The following RYR2 variants were observed in gnomAD, a reference collection of about 807,000 sequenced individuals.
RYR2 encodes the protein cardiac muscle ryanodine receptor-calcium release channel.
RYR2 carries 227 observed loss-of-function variants against 601.1 expected under a neutral mutation model. That is an observed-to-expected ratio of 0.38 (90% CI 0.34 to 0.42). RYR2 has a LOEUF of 0.42. Among genes scored for constraint, RYR2 ranks in the 10% least tolerant of loss-of-function variants. The pLI is 1.00. For missense variants in RYR2, 4,646 were observed against 6,156.5 expected, an observed-to-expected ratio of 0.75 and a Z score of 8.21; for synonymous variants, 2,223 against 2,175.1, an observed-to-expected ratio of 1.02 and a Z score of -0.61.
At chr1:237,159,941 TATTA>T (rs892789552) in intron 1 of RYR2, among the ~76,000 whole-genome samples, 2 of 152,232 alleles carry the variant, frequency 1.3e-5, no homozygotes, top group Non-Finnish European at 2.9e-5. Context: ...TTATAGTATG[TATTA>T]ATTGCTTGCT....
chr1:237,369,570 G>A lies in RYR2; in HGVS notation c.346G>A (p.Gly116Arg), dbSNP rs866512258. 2 of 1,565,212 alleles carry A rather than the reference G, an allele frequency of 1.3e-6. No individual in the cohort carries two copies. The highest frequency in any genetic ancestry group is 1.2e-5 in the South Asian group (1 of 84,960). Reference protein sequence around the residue: ...QGGGHRTLLYGHAILLRHSYS... With the variant: ...QGGGHRTLLYRHAILLRHSYS... The stretch of plus-strand genomic sequence containing the variant: ...TGGTGGTCATCGAACACTCCTCTAC[G>A]GACATGCCATATTGCTGCGCCATTC... The change falls in exon 6 of 105, where the codon GGA becomes AGA. Residue 116 changes from glycine to arginine, a missense_variant. Transcript: ENST00000366574.
intron 63 of RYR2, among the ~76,000 whole-genome samples, chr1:237,694,491 C>G (rs890029518): frequency 6.6e-6 from 1 of 151,954 alleles, no homozygotes; most frequent in African/African-American, 2.4e-5. Context: ...TTCTGTAGTA[C>G]TATGACAATA....
At chr1:237,270,345 G>A (rs2149346135) in intron 1 of RYR2, 152 bp from the exon 2 acceptor site, 1 of 1,076,312 alleles carries the variant, frequency 9.3e-7, no homozygotes, top group East Asian at 2.6e-5. Flanking sequence ...TGATTCCGTA[G>A]GGGTTTCTTT....
chr1:237,639,477 G>A (rs1681228491), intron 46 of RYR2, among the ~76,000 whole-genome samples: 2 of 152,200 alleles, frequency 1.3e-5, no homozygotes, highest in South Asian at 4.1e-4. Flanking sequence ...GGGAGCTAGG[G>A]CAAGGTGGGT....
rs1211197020 is a variant in RYR2 at position 237,705,221 on chromosome 1, C to T, written c.9458C>T (p.Ser3153Phe). The change falls in exon 67 of 105, where the codon TCT (serine) becomes TTT (phenylalanine). Residue 3153 changes from serine to phenylalanine, a missense_variant. Physicochemically the swap from Ser to Phe is radical, Grantham distance 155. Around this residue, in one of 17 missense-constraint regions of RYR2, gnomAD observed 1,497 missense variants for 1,842.6 expected, o/e 0.81. Transcript: ENST00000366574. ...SKSIYVERQR[S>F]ALGECLAAFA... ...GCATTTTCCACTTATAGGCAACGTT[C>T]TGCATTAGGAGAATGTCTAGCTGCC... 2 of 1,607,594 alleles carry T rather than the reference C, an allele frequency of 1.2e-6. No homozygotes were observed. Among genetic ancestry groups the T allele is most frequent in the African/African-American group, 1.3e-5 (1 of 74,870 alleles).
chr1:237,308,519 T>G (rs1459166127), intron 2 of RYR2, among the ~76,000 whole-genome samples: 1 of 152,206 alleles, frequency 6.6e-6, no homozygotes, highest in Non-Finnish European at 1.5e-5. Flanking sequence ...TCTCAATGAC[T>G]TCAAGAATGA....
At chr1:237,724,186 TA>T (rs1690000517) in intron 74 of RYR2, among the ~76,000 whole-genome samples, 2 of 3,262 alleles carry the variant, frequency 6.1e-4, no homozygotes, top group Admixed American at 3.3e-3. Context: ...TGTGTGTGCA[TA>T]TATATATATA....
intron 48 of RYR2, among the ~76,000 whole-genome samples, chr1:237,646,971 T>G (rs1425351831): frequency 6.6e-6 from 1 of 152,212 alleles, no homozygotes; most frequent in Non-Finnish European, 1.5e-5. Context: ...AAACAATGTC[T>G]GCTTGGATAA....
chr1:237,799,137 A>G (rs995674487), intron 97 of RYR2, among the ~76,000 whole-genome samples: 2 of 152,214 alleles, frequency 1.3e-5, no homozygotes, highest in Non-Finnish European at 2.9e-5. Flanking sequence ...ACTGAAAACA[A>G]CTTGGATCAG....
intron 8 of RYR2, among the ~76,000 whole-genome samples, chr1:237,382,983 T>C (rs1178670051): frequency 6.6e-6 from 1 of 151,912 alleles, no homozygotes; most frequent in Admixed American, 6.6e-5. Context: ...GTGTTTCCTG[T>C]CCTTAAATGA....
chr1:237,310,154 G>A (rs560686623), intron 2 of RYR2, among the ~76,000 whole-genome samples: 5 of 152,170 alleles, frequency 3.3e-5, no homozygotes, highest in Non-Finnish European at 7.3e-5. Flanking sequence ...CTGCCAGCAC[G>A]CTGTCACCTC....
At chr1:237,545,747 G>GA (rs1291724587) in intron 25 of RYR2, among the ~76,000 whole-genome samples, 41 of 142,750 alleles carry the variant, frequency 2.9e-4, no homozygotes, top group South Asian at 2.0e-3. Flanking sequence ...GCTTTTTCTT[G>GA]AAAAATAAAA....
intron 12 of RYR2, among the ~76,000 whole-genome samples, chr1:237,426,992 A>G (rs1474344499): frequency 6.6e-6 from 1 of 152,204 alleles, no homozygotes; most frequent in Non-Finnish European, 1.5e-5. Flanking sequence ...TCTATGAAAC[A>G]AACATCAAAG....
chr1:237,611,949 T>A (rs1175801165), intron 36 of RYR2, among the ~76,000 whole-genome samples: 1 of 152,168 alleles, frequency 6.6e-6, no homozygotes, highest in African/African-American at 2.4e-5. Flanking sequence ...AATTAAAATA[T>A]GTCCACACAA....
chr1:237,537,068 A>T (rs1015404708), intron 25 of RYR2, among the ~76,000 whole-genome samples: 1 of 152,236 alleles, frequency 6.6e-6, no homozygotes, highest in Non-Finnish European at 1.5e-5. Flanking sequence ...AATCACAATG[A>T]AAAGCTATTT....
intron 63 of RYR2, among the ~76,000 whole-genome samples, chr1:237,690,933 G>T (rs1046083547): frequency 4.6e-5 from 7 of 152,208 alleles, no homozygotes; most frequent in Non-Finnish European, 8.8e-5. Flanking sequence ...AGCTATGCCA[G>T]TGTGGATTTT....
At chr1:237,498,788 T>A (rs530410041) in intron 20 of RYR2, among the ~76,000 whole-genome samples, 24 of 152,216 alleles carry the variant, frequency 1.6e-4, no homozygotes, top group South Asian at 2.1e-4. Context: ...CAAAAAAAAA[T>A]TTAGTGAATC....
At chr1:237,362,057 C>G (rs933072745) in intron 4 of RYR2, among the ~76,000 whole-genome samples, 1 of 152,156 alleles carries the variant, frequency 6.6e-6, no homozygotes, top group East Asian at 1.9e-4. Flanking sequence ...ATAGCAATTT[C>G]TCTTCCTGGC....
chr1:237,317,146 CA>C (rs1695192666), intron 2 of RYR2, among the ~76,000 whole-genome samples: 1 of 152,074 alleles, frequency 6.6e-6, no homozygotes, highest in African/African-American at 2.4e-5. Flanking sequence ...ATTTAAAATG[CA>C]AAACTTCCAA....
Sources: gnomAD v4.1 joint callset for allele counts (sites outside exome capture counted in the v4.1 genomes callset) on GRCh38, gnomAD v4.1.1 for gene constraint, gnomAD v4.1.1 regional missense constraint, MANE v1.5 for transcripts, NCBI Gene and HGNC (gene_info 2026-07-23, HGNC 2026-07-21) for gene names.